Variants in CALCR observed in about 807,000 individuals in gnomAD.
CALCR encodes the protein calcitonin receptor.
A neutral mutation model predicts 59.5 loss-of-function variants in CALCR; 47 were observed. That is an observed-to-expected ratio of 0.79 (90% CI 0.63 to 1.01). The LOEUF is 1.01. Among genes scored for constraint, CALCR ranks in the 50% least tolerant of loss-of-function variants. The pLI, the probability that CALCR is intolerant of heterozygous loss-of-function variation, is 0.00. For synonymous variants in CALCR, 213 were observed against 211.3 expected, an observed-to-expected ratio of 1.01 and a Z score of -0.07; for missense variants, 566 against 597.1, an observed-to-expected ratio of 0.95 and a Z score of 0.54.
intron 2 of CALCR, among the ~76,000 whole-genome samples, chr7:93,522,068 C>T (rs1801776065): frequency 6.6e-6 from 1 of 151,878 alleles, no homozygotes; most frequent in Non-Finnish European, 1.5e-5. Context: ...GTAAATGAAA[C>T]AATTTGTGTA....
chr7:93,436,565 T>C (rs1311070870), intron 11 of CALCR, among the ~76,000 whole-genome samples: 2 of 152,220 alleles, frequency 1.3e-5, no homozygotes, highest in Non-Finnish European at 2.9e-5. Flanking sequence ...TTTGGAACAT[T>C]GCAGATACCT....
intron 2 of CALCR, among the ~76,000 whole-genome samples, chr7:93,518,893 A>AT (rs1351456804): frequency 8.0e-6 from 1 of 124,254 alleles, no homozygotes; most frequent in African/African-American, 2.6e-5. Context: ...ATCTGGAATG[A>AT]TAAAAAAAAG....
intron 2 of CALCR, among the ~76,000 whole-genome samples, chr7:93,564,237 A>G (rs1218113189): frequency 6.6e-6 from 1 of 152,110 alleles, no homozygotes; most frequent in African/African-American, 2.4e-5. Context: ...TTGGGAACCA[A>G]GTGGTGAATG....
chr7:93,477,165 G>A (rs1320100458), intron 5 of CALCR, among the ~76,000 whole-genome samples: 1 of 151,814 alleles, frequency 6.6e-6, no homozygotes, highest in Non-Finnish European at 1.5e-5. Flanking sequence ...CATTAACAGG[G>A]ACCTATATGT....
rs530033524 is a variant in CALCR, at chr7:93,427,723, G to A, written c.1192-1134C>T. 3.3e-5 allele frequency among the ~76,000 whole-genome samples: 5 copies of A among 152,084 alleles called. No individual in the cohort carries two copies. In the East Asian group the frequency reaches 7.7e-4, roughly 23 times the overall value. ...TATAAAACTATATGTATAATATAAG[G>A]CTGAATGGTTCTGTGGCAAATATAC... On this transcript the variant is annotated intron_variant, in intron 13 of 13. Transcript: ENST00000426151.
intron 9 of CALCR, among the ~76,000 whole-genome samples, chr7:93,442,361 A>G (rs947003915): frequency 3.3e-5 from 5 of 152,106 alleles, no homozygotes; most frequent in Non-Finnish European, 7.4e-5. Context: ...ACCCACCATT[A>G]TCGGATTATC....
chr7:93,490,989 C>G (rs559828133), intron 2 of CALCR, among the ~76,000 whole-genome samples: 1 of 152,082 alleles, frequency 6.6e-6, no homozygotes, highest in East Asian at 1.9e-4. Context: ...AAGCATCACA[C>G]TACCTGACTT....
intron 2 of CALCR, among the ~76,000 whole-genome samples, chr7:93,519,350 G>C (rs1002053558): frequency 6.5e-4 from 99 of 152,014 alleles, no homozygotes; most frequent in African/African-American, 2.3e-3. Flanking sequence ...GTGATTCTAG[G>C]ATTTGACTTT....
chr7:93,439,579 T>A (rs1285855212), intron 9 of CALCR, among the ~76,000 whole-genome samples: 1 of 152,062 alleles, frequency 6.6e-6, no homozygotes, highest in Non-Finnish European at 1.5e-5. Context: ...TGATGCCTCC[T>A]TTTAGGTAGT....
chr7:93,447,037 G>A (rs961584444), intron 8 of CALCR, among the ~76,000 whole-genome samples: 4 of 151,990 alleles, frequency 2.6e-5, no homozygotes, highest in East Asian at 1.9e-4. Context: ...TGGCTTCAAT[G>A]AGTCATATCA....
intron 2 of CALCR, among the ~76,000 whole-genome samples, chr7:93,522,077 T>C (rs1325184743): frequency 6.6e-6 from 1 of 152,158 alleles, no homozygotes; most frequent in Non-Finnish European, 1.5e-5. Flanking sequence ...ACAATTTGTG[T>C]ATGTTTGCAT....
intron 2 of CALCR, among the ~76,000 whole-genome samples, chr7:93,547,380 A>G (rs1314298214): frequency 6.6e-6 from 1 of 152,206 alleles, no homozygotes; most frequent in African/African-American, 2.4e-5. Context: ...ATTGCATTGC[A>G]AGTGTCAGTT....
intron 8 of CALCR, among the ~76,000 whole-genome samples, chr7:93,454,276 T>G (rs2299247): frequency 0.46 from 70,425 of 151,704 alleles, 16,582 homozygotes; most frequent in South Asian, 0.56. Flanking sequence ...AAGAAGCTCC[T>G]ACACAGCCTG....
intron 2 of CALCR, among the ~76,000 whole-genome samples, chr7:93,549,877 C>T (rs1283649000): frequency 6.6e-6 from 1 of 152,160 alleles, no homozygotes; most frequent in East Asian, 1.9e-4. Flanking sequence ...CCACATGCTG[C>T]TGATAGAGCA....
At chr7:93,439,901 G>T (rs1385883390) in intron 9 of CALCR, among the ~76,000 whole-genome samples, 2 of 152,136 alleles carry the variant, frequency 1.3e-5, no homozygotes, top group Non-Finnish European at 1.5e-5. Flanking sequence ...CAATTGGAGA[G>T]AAATCGACTA....
intron 2 of CALCR, among the ~76,000 whole-genome samples, chr7:93,566,837 G>T (rs1383698073): frequency 6.6e-6 from 1 of 152,108 alleles, no homozygotes; most frequent in Non-Finnish European, 1.5e-5. Context: ...AATCTAGGAG[G>T]TATTAATATT....
intron 7 of CALCR, among the ~76,000 whole-genome samples, chr7:93,461,298 G>A (rs1231459570): frequency 6.6e-6 from 1 of 152,142 alleles, no homozygotes; most frequent in Non-Finnish European, 1.5e-5. Context: ...TGCTTCAAAT[G>A]AAAAGCCTAC....
At chr7:93,479,701 C>A (rs1253491222) in intron 3 of CALCR, among the ~76,000 whole-genome samples, 194 bp from the exon 4 acceptor site, 1 of 151,760 alleles carries the variant, frequency 6.6e-6, no homozygotes, top group Non-Finnish European at 1.5e-5. Flanking sequence ...TCTACTGGCA[C>A]ATTTTACATT....
intron 2 of CALCR, among the ~76,000 whole-genome samples, chr7:93,513,468 T>C (rs1801590869): frequency 6.6e-6 from 1 of 152,150 alleles, no homozygotes; most frequent in Non-Finnish European, 1.5e-5. Context: ...TATTTCCATT[T>C]ATTTGAGTAG....
Sources: allele counts gnomAD v4.1 joint callset (sites outside exome capture counted in the v4.1 genomes callset), GRCh38; gene constraint gnomAD v4.1.1; transcripts MANE v1.5; gene names NCBI Gene and HGNC (gene_info 2026-07-23, HGNC 2026-07-21).